ZEB1: variants seen among roughly 807,000 people sequenced by gnomAD.
ZEB1 encodes the protein zinc finger E-box-binding homeobox 1.
Under a neutral mutation model 84.9 loss-of-function variants are expected in ZEB1, and 21 were observed. The ratio of observed to expected loss-of-function variants is 0.25; its 90% CI spans 0.18 to 0.36. The LOEUF is 0.36. Ranked by LOEUF, ZEB1 falls within the 10% of genes least tolerant of loss-of-function variation. The probability of loss-of-function intolerance (pLI) is 1.00; values close to 1 mark genes in which losing one functional copy is unlikely to be tolerated. For missense variants in ZEB1, 1,104 were observed against 1,330.2 expected (o/e 0.83, Z 2.65); for synonymous variants, 420 against 471.1 (o/e 0.89, Z 1.41).
chr10:31,400,363 G>A (rs1407177798), intron 1 of ZEB1, among the ~76,000 whole-genome samples: 1 of 152,080 alleles, frequency 6.6e-6, no homozygotes, highest in Non-Finnish European at 1.5e-5. Flanking sequence ...CATTGAATAA[G>A]CATTCAAATA....
intron 2 of ZEB1, among the ~76,000 whole-genome samples, chr10:31,479,120 C>A (rs555092514): frequency 3.4e-4 from 52 of 151,884 alleles, no homozygotes; most frequent in African/African-American, 1.2e-3. Flanking sequence ...AACAGTTATA[C>A]ACTAACAGAT....
chr10:31,514,202 G>T (rs1362747502), intron 5 of ZEB1, among the ~76,000 whole-genome samples: 1 of 152,230 alleles, frequency 6.6e-6, no homozygotes, highest in Non-Finnish European at 1.5e-5. Context: ...AGGTTATTCA[G>T]TATTTGTGGA....
At chr10:31,410,178 G>A (rs1467907098) in intron 1 of ZEB1, among the ~76,000 whole-genome samples, 1 of 152,176 alleles carries the variant, frequency 6.6e-6, no homozygotes, top group African/African-American at 2.4e-5. Flanking sequence ...TTTGAGTTAC[G>A]TTCCATCAAT....
At chr10:31,331,542 T>C (rs2036794516) in intron 1 of ZEB1, among the ~76,000 whole-genome samples, 1 of 152,212 alleles carries the variant, frequency 6.6e-6, no homozygotes, top group African/African-American at 2.4e-5. Context: ...AGAGATGTAG[T>C]ACCTTGCCCT....
intron 2 of ZEB1, among the ~76,000 whole-genome samples, chr10:31,490,815 C>A (rs114836042): frequency 2.0e-5 from 3 of 151,668 alleles, no homozygotes; most frequent in Non-Finnish European, 2.9e-5. Context: ...ACTAATACTT[C>A]GTCTTATTTA....
At position 31,520,567 on chromosome 10, in the gene ZEB1, A is replaced by C; in HGVS notation, c.1235A>C (p.Asp412Ala). 3 of 1,614,058 alleles carry C rather than the reference A, an allele frequency of 1.9e-6. No homozygotes were observed. Among genetic ancestry groups the C allele is most frequent in the Non-Finnish European group, 1.7e-6 (2 of 1,179,976 alleles). Residue 412 changes from aspartate (D) to alanine (A), a missense_variant, in exon 7 of 9, where the codon GAT becomes GCT. Around this residue, in one of 7 missense-constraint regions of ZEB1, gnomAD observed 531 missense variants for 575.2 expected, o/e 0.92. Transcript: ENST00000424869. The surrounding 1 kb of genome is among the most constrained non-coding windows in gnomAD (Gnocchi z 5.1). ...LVSPISINLS[D>A]IQNVLKVAVD... ...TCTCCCATAAGTATCAATTTAAGTG[A>C]TATTCAGAATGTACTTAAAGTGGCG...
At chr10:31,460,651 G>A (rs1169759117) in intron 1 of ZEB1, among the ~76,000 whole-genome samples, 1 of 152,082 alleles carries the variant, frequency 6.6e-6, no homozygotes, top group African/African-American at 2.4e-5. Flanking sequence ...TCCTGGCTCT[G>A]CCACTTCCTA....
At chr10:31,367,920 T>C (rs1264058299) in intron 1 of ZEB1, among the ~76,000 whole-genome samples, 1 of 152,004 alleles carries the variant, frequency 6.6e-6, no homozygotes, top group East Asian at 1.9e-4. Flanking sequence ...CTTTCTAAAA[T>C]ACATGATTTT....
chr10:31,352,540 CT>C (rs1204532553), intron 1 of ZEB1, among the ~76,000 whole-genome samples: 1 of 152,118 alleles, frequency 6.6e-6, no homozygotes, highest in African/African-American at 2.4e-5. Context: ...CTGAGTGAGT[CT>C]TCTGCTTTGT....
At chr10:31,448,217 C>G (rs1228782339) in intron 1 of ZEB1, among the ~76,000 whole-genome samples, 1 of 134,818 alleles carries the variant, frequency 7.4e-6, no homozygotes, top group Non-Finnish European at 1.5e-5. Flanking sequence ...GCTCCTGAGG[C>G]TTCTGCATTC....
chr10:31,512,551 A>G (rs1160589829), intron 5 of ZEB1, among the ~76,000 whole-genome samples: 1 of 152,168 alleles, frequency 6.6e-6, no homozygotes, highest in Non-Finnish European at 1.5e-5. Context: ...TGAGAATCAT[A>G]CTGTGACTAA....
chr10:31,355,354 A>G (rs933002260), intron 1 of ZEB1, among the ~76,000 whole-genome samples: 2 of 152,192 alleles, frequency 1.3e-5, no homozygotes, highest in African/African-American at 4.8e-5. Context: ...AGACTCATTT[A>G]TTCAACAAAT....
At chr10:31,377,448 T>TTA (rs975922631) in intron 1 of ZEB1, among the ~76,000 whole-genome samples, 3 of 151,724 alleles carry the variant, frequency 2.0e-5, no homozygotes, top group African/African-American at 4.8e-5. Context: ...AGTACCCTTA[T>TTA]TATATATATC....
At chr10:31,365,911 G>C (rs761855224) in intron 1 of ZEB1, among the ~76,000 whole-genome samples, 1 of 152,144 alleles carries the variant, frequency 6.6e-6, no homozygotes, top group Non-Finnish European at 1.5e-5. Flanking sequence ...TTAAACTCCA[G>C]GTTACCATCA....
At chr10:31,380,114 A>G (rs906974346) in intron 1 of ZEB1, among the ~76,000 whole-genome samples, 2 of 152,088 alleles carry the variant, frequency 1.3e-5, no homozygotes, top group East Asian at 3.9e-4. Context: ...GGACTGCTGT[A>G]TAATTAAAAG....
chr10:31,347,716 A>C (rs566257739), intron 1 of ZEB1, among the ~76,000 whole-genome samples: 22 of 152,298 alleles, frequency 1.4e-4, no homozygotes, highest in Admixed American at 9.2e-4. Context: ...AAAATTAAAA[A>C]AATTTTAAAA....
intron 1 of ZEB1, among the ~76,000 whole-genome samples, chr10:31,329,985 T>G (rs1247779734): frequency 2.0e-5 from 3 of 152,206 alleles, no homozygotes; most frequent in Non-Finnish European, 4.4e-5. Flanking sequence ...TATTTCTCTC[T>G]TTCTGTTGGC....
intron 5 of ZEB1, among the ~76,000 whole-genome samples, chr10:31,512,642 T>C (rs1226091060): frequency 6.6e-6 from 1 of 152,098 alleles, no homozygotes; most frequent in African/African-American, 2.4e-5. Flanking sequence ...CTTCTGGGTG[T>C]TAAAGGCACA....
intron 1 of ZEB1, among the ~76,000 whole-genome samples, chr10:31,382,338 T>A (rs553400535): frequency 6.6e-6 from 1 of 152,320 alleles, no homozygotes; most frequent in Admixed American, 6.5e-5. Context: ...CTACTCATAC[T>A]TTACTGAATT....
Sources: allele counts gnomAD v4.1 joint callset (sites outside exome capture counted in the v4.1 genomes callset), GRCh38; gene constraint gnomAD v4.1.1; regional missense constraint gnomAD v4.1.1; non-coding constraint Gnocchi (gnomAD v3.1); transcripts MANE v1.5; gene names NCBI Gene and HGNC (gene_info 2026-07-23, HGNC 2026-07-21).